Variants in MOXD1 observed in about 807,000 individuals in gnomAD.
MOXD1 encodes the protein DBH-like monooxygenase protein 1.
MOXD1 carries 62 observed loss-of-function variants against 66.6 expected under a neutral mutation model. The observed-to-expected ratio is 0.93, with a 90% confidence interval of 0.76 to 1.15. MOXD1 has a LOEUF of 1.15. MOXD1 is among the 50% of genes most tolerant of loss of function. The probability of loss-of-function intolerance (pLI) is 0.00; values close to 1 mark genes in which losing one functional copy is unlikely to be tolerated. For missense variants in MOXD1, 847 were observed against 754.6 expected (o/e 1.12, Z -1.44); for synonymous variants, 303 against 281.9 (o/e 1.07, Z -0.75).
chr6:132,303,024 C>T (rs548297820), intron 10 of MOXD1, among the ~76,000 whole-genome samples: 4 of 152,210 alleles, frequency 2.6e-5, no homozygotes, highest in South Asian at 4.1e-4. Context: ...TTACCTTACA[C>T]TACACACAAA....
intron 4 of MOXD1, among the ~76,000 whole-genome samples, chr6:132,369,750 G>A (rs572915189): frequency 2.6e-5 from 4 of 152,004 alleles, no homozygotes; most frequent in South Asian, 4.1e-4. Flanking sequence ...AATGATTCAC[G>A]TCCCAGCTGG....
chr6:132,372,573 G>A (rs1222378404), intron 4 of MOXD1, 35 bp downstream of exon 4: 2 of 1,518,786 alleles, frequency 1.3e-6, no homozygotes, highest in Non-Finnish European at 1.8e-6. Context: ...TTCCACTCAT[G>A]AAAATTAATT....
intron 4 of MOXD1, among the ~76,000 whole-genome samples, chr6:132,347,851 T>C (rs1428747336): frequency 6.6e-6 from 1 of 152,160 alleles, no homozygotes; most frequent in Non-Finnish European, 1.5e-5. Context: ...AATAAATGAA[T>C]AGGAGTGGAT....
intron 4 of MOXD1, among the ~76,000 whole-genome samples, chr6:132,367,876 T>G (rs1776178676): frequency 1.3e-5 from 2 of 152,032 alleles, no homozygotes; most frequent in African/African-American, 4.8e-5. Context: ...ATCCATCCAG[T>G]CACGGAACCC....
intron 9 of MOXD1, among the ~76,000 whole-genome samples, chr6:132,318,039 T>C (rs1039509936): frequency 6.6e-6 from 1 of 152,162 alleles, no homozygotes; most frequent in African/African-American, 2.4e-5. Context: ...CTTTCATTCA[T>C]TAATTTTCAT....
chr6:132,394,445 T>C (rs1425442185), intron 1 of MOXD1, among the ~76,000 whole-genome samples: 1 of 152,112 alleles, frequency 6.6e-6, no homozygotes, highest in Non-Finnish European at 1.5e-5. Context: ...ACCATAATTA[T>C]CCAGCAACAG....
intron 10 of MOXD1, among the ~76,000 whole-genome samples, chr6:132,299,066 T>C (rs1373287514): frequency 6.6e-6 from 1 of 152,158 alleles, no homozygotes; most frequent in Non-Finnish European, 1.5e-5. Context: ...ATGTGGTACA[T>C]ATACACCATG....
At chr6:132,381,099 C>G (rs1776499386) in intron 1 of MOXD1, among the ~76,000 whole-genome samples, 1 of 152,134 alleles carries the variant, frequency 6.6e-6, no homozygotes, top group Admixed American at 6.5e-5. Context: ...TAATTTATAT[C>G]CTCAGTACCT....
chr6:132,359,549 C>T (rs11966044), intron 4 of MOXD1, among the ~76,000 whole-genome samples: 3 of 147,030 alleles, frequency 2.0e-5, no homozygotes, highest in Non-Finnish European at 3.0e-5. Flanking sequence ...TGCAGTGGCG[C>T]GATCTCGGCT....
intron 4 of MOXD1, among the ~76,000 whole-genome samples, chr6:132,330,669 A>G (rs1306247494): frequency 6.6e-6 from 1 of 152,170 alleles, no homozygotes. Flanking sequence ...GTTTAGTCCT[A>G]ACTACTCAAA....
intron 4 of MOXD1, among the ~76,000 whole-genome samples, chr6:132,347,490 A>G (rs1179200296): frequency 1.3e-5 from 2 of 152,096 alleles, no homozygotes; most frequent in Non-Finnish European, 2.9e-5. Context: ...CAGCCTGGCC[A>G]ACATAGTGAA....
chr6:132,328,765 T>C (rs570887336), intron 4 of MOXD1, among the ~76,000 whole-genome samples, 171 bp from the exon 5 acceptor site: 1 of 152,282 alleles, frequency 6.6e-6, no homozygotes, highest in South Asian at 2.1e-4. Flanking sequence ...ACAGTGACAA[T>C]GGTAAAGATA....
At chr6:132,383,934 G>A (rs745772196) in intron 1 of MOXD1, among the ~76,000 whole-genome samples, 87 of 152,204 alleles carry the variant, frequency 5.7e-4, no homozygotes, top group Non-Finnish European at 8.4e-4. Flanking sequence ...GCCGGTTGTG[G>A]TGGCTGGCGC....
intron 1 of MOXD1, among the ~76,000 whole-genome samples, chr6:132,384,805 T>C (rs948445157): frequency 6.6e-6 from 1 of 152,214 alleles, no homozygotes; most frequent in Non-Finnish European, 1.5e-5. Context: ...AGAGATCAGA[T>C]GAGGCCCTAA....
intron 6 of MOXD1, among the ~76,000 whole-genome samples, chr6:132,324,410 A>G (rs1420133151): frequency 6.6e-6 from 1 of 152,232 alleles, no homozygotes; most frequent in East Asian, 1.9e-4. Flanking sequence ...ATGAAGACAG[A>G]ATGAAGATTC....
chr6:132,307,943 T>A lies in MOXD1; in HGVS notation c.1508+7692A>T, dbSNP rs1015055889. ...AAGATCTCAAATCAACACCTTAACATCACAGTTAAAAGAGATAGAGAGGCA... is the reference window on the plus strand; with the variant it reads ...AAGATCTCAAATCAACACCTTAACAACACAGTTAAAAGAGATAGAGAGGCA... On this transcript the variant is annotated intron_variant, in intron 10 of 11. Transcript: ENST00000367963. Among the ~76,000 whole-genome samples the A allele has an allele frequency of 3.3e-5, 5 of 151,532 alleles. 1 individual carries two copies. The highest frequency in any genetic ancestry group is 1.2e-4 in the African/African-American group (5 of 41,186).
chr6:132,396,122 G>A (rs1776862964), intron 1 of MOXD1, among the ~76,000 whole-genome samples: 1 of 152,028 alleles, frequency 6.6e-6, no homozygotes, highest in African/African-American at 2.4e-5. Context: ...CATTCCTTAG[G>A]ACAGCCCATA....
intron 4 of MOXD1, among the ~76,000 whole-genome samples, chr6:132,351,760 C>T (rs563325207): frequency 2.6e-5 from 4 of 152,182 alleles, no homozygotes; most frequent in South Asian, 4.1e-4. Flanking sequence ...CGTCTGGCCC[C>T]GGACTTTTTT....
chr6:132,361,327 A>G (rs1776014451), intron 4 of MOXD1, among the ~76,000 whole-genome samples: 1 of 151,996 alleles, frequency 6.6e-6, no homozygotes, highest in African/African-American at 2.4e-5. Context: ...CCAAAAAAAA[A>G]AAAACAGCAA....
Sources: allele counts gnomAD v4.1 joint callset (sites outside exome capture counted in the v4.1 genomes callset), GRCh38; gene constraint gnomAD v4.1.1; transcripts MANE v1.5; gene names NCBI Gene and HGNC (gene_info 2026-07-23, HGNC 2026-07-21).